Variants in RALYL observed in about 807,000 individuals in gnomAD.
RALYL encodes RNA-binding Raly-like protein.
In RALYL, 29 loss-of-function variants were observed where a neutral mutation model predicts 35.1. The ratio of observed to expected loss-of-function variants is 0.83; its 90% CI spans 0.61 to 1.13. The LOEUF (loss-of-function observed/expected upper bound fraction) is 1.13. Ranked by LOEUF, RALYL falls within the 50% of genes most tolerant of loss-of-function variation. The pLI, the probability that RALYL is intolerant of heterozygous loss-of-function variation, is 0.00. For missense variants in RALYL, 359 were observed against 360.4 expected (o/e 1.00, Z 0.03); for synonymous variants, 120 against 127.6 (o/e 0.94, Z 0.40).
intron 8 of RALYL, among the ~76,000 whole-genome samples, chr8:84,910,969 T>G (rs1361159905): frequency 6.6e-6 from 1 of 152,134 alleles, no homozygotes; most frequent in African/African-American, 2.4e-5. Flanking sequence ...ATCTCCATTA[T>G]TTACTGATAC....
intron 7 of RALYL, among the ~76,000 whole-genome samples, chr8:84,884,266 T>C (rs1261242113): frequency 6.6e-6 from 1 of 152,058 alleles, no homozygotes; most frequent in African/African-American, 2.4e-5. Flanking sequence ...ACAGTAGAAC[T>C]AACTATAAGA....
chr8:84,305,687 A>G (rs1387155513), intron 1 of RALYL, among the ~76,000 whole-genome samples: 1 of 152,172 alleles, frequency 6.6e-6, no homozygotes, highest in Admixed American at 6.5e-5. Flanking sequence ...CTCATCCCCT[A>G]TCTTCCCCTA....
intron 1 of RALYL, among the ~76,000 whole-genome samples, chr8:84,452,239 T>A (rs928199599): frequency 1.6e-4 from 25 of 151,814 alleles, no homozygotes; most frequent in African/African-American, 6.0e-4. Context: ...ACTACTTTTT[T>A]TTTTTTTCCC....
At chr8:84,747,618 G>T (rs1808923012) in intron 2 of RALYL, among the ~76,000 whole-genome samples, 3 of 151,764 alleles carry the variant, frequency 2.0e-5, no homozygotes, top group Non-Finnish European at 4.4e-5. Flanking sequence ...TTCTTGTAAA[G>T]ATTTCTAAAT....
At chr8:84,341,099 T>G (rs1848701056) in intron 1 of RALYL, among the ~76,000 whole-genome samples, 1 of 151,926 alleles carries the variant, frequency 6.6e-6, no homozygotes, top group Non-Finnish European at 1.5e-5. Flanking sequence ...TTGTTGACCA[T>G]TTGTATGTCA....
intron 1 of RALYL, among the ~76,000 whole-genome samples, chr8:84,255,283 T>C (rs181254324): frequency 1.2e-4 from 18 of 152,228 alleles, no homozygotes; most frequent in Admixed American, 1.1e-3. Context: ...CCAAACCCAC[T>C]GCAAAGTCTG....
intron 2 of RALYL, among the ~76,000 whole-genome samples, chr8:84,694,368 A>T (rs541722988): frequency 3.2e-4 from 49 of 152,022 alleles, no homozygotes; most frequent in African/African-American, 1.2e-3. Flanking sequence ...TTTACATAGC[A>T]TCATAAAAAA....
chr8:84,620,893 AG>A (rs1209470655), intron 2 of RALYL, among the ~76,000 whole-genome samples: 2 of 152,034 alleles, frequency 1.3e-5, no homozygotes, highest in Non-Finnish European at 2.9e-5. Flanking sequence ...GGTGCCTCCC[AG>A]TTAGGCTGCT....
chr8:84,823,978 C>T (rs1057132150), intron 4 of RALYL, among the ~76,000 whole-genome samples: 1 of 152,122 alleles, frequency 6.6e-6, no homozygotes, highest in Non-Finnish European at 1.5e-5. Context: ...CACTCTGACA[C>T]TCCCATTCAA....
intron 1 of RALYL, among the ~76,000 whole-genome samples, chr8:84,379,781 A>G (rs1857589249): frequency 6.6e-6 from 1 of 151,730 alleles, no homozygotes; most frequent in Non-Finnish European, 1.5e-5. Flanking sequence ...GCGGGCAGGA[A>G]TTGAGTGAGA....
intron 2 of RALYL, among the ~76,000 whole-genome samples, chr8:84,735,692 G>GT (rs1235264733): frequency 1.3e-5 from 2 of 151,888 alleles, no homozygotes; most frequent in Admixed American, 1.3e-4. Flanking sequence ...ATACAATGAG[G>GT]TTCTCTCCAG....
intron 1 of RALYL, among the ~76,000 whole-genome samples, chr8:84,498,204 T>C (rs746467328): frequency 2.0e-5 from 3 of 152,034 alleles, no homozygotes; most frequent in Non-Finnish European, 4.4e-5. Context: ...AATACACAGA[T>C]GTATAAATTT....
At chr8:84,400,353 G>A (rs955726205) in intron 1 of RALYL, among the ~76,000 whole-genome samples, 15 of 152,160 alleles carry the variant, frequency 9.9e-5, no homozygotes, top group East Asian at 3.9e-4. Context: ...GTGGTGTAAT[G>A]TCAACACTCA....
intron 1 of RALYL, among the ~76,000 whole-genome samples, chr8:84,357,589 C>T (rs1852102751): frequency 6.6e-6 from 1 of 151,712 alleles, no homozygotes; most frequent in Non-Finnish European, 1.5e-5. Flanking sequence ...TTTAATCCGT[C>T]TTTTCAAGAA....
chr8:84,502,914 A>T (rs200194192), intron 1 of RALYL, among the ~76,000 whole-genome samples: 3 of 57,980 alleles, frequency 5.2e-5, no homozygotes, highest in Non-Finnish European at 1.2e-4. Flanking sequence ...CCCACTCTTT[A>T]AAAAAAAAAA....
intron 1 of RALYL, among the ~76,000 whole-genome samples, chr8:84,392,032 A>G (rs1279260884): frequency 6.6e-6 from 1 of 152,062 alleles, no homozygotes; most frequent in Non-Finnish European, 1.5e-5. Context: ...TGATTGAGTG[A>G]GAGTTGAACA....
intron 2 of RALYL, among the ~76,000 whole-genome samples, chr8:84,736,814 G>A (rs1847394016): frequency 6.6e-6 from 1 of 151,894 alleles, no homozygotes; most frequent in Non-Finnish European, 1.5e-5. Context: ...AACAATCATT[G>A]TTCTTATTGT....
intron 8 of RALYL, among the ~76,000 whole-genome samples, chr8:84,889,831 A>C (rs1379655562): frequency 6.6e-6 from 1 of 152,120 alleles, no homozygotes; most frequent in African/African-American, 2.4e-5. Context: ...AAAGACTAAG[A>C]TCATCCTTGG....
intron 1 of RALYL, among the ~76,000 whole-genome samples, chr8:84,441,296 A>C (rs927873468): frequency 6.6e-6 from 1 of 152,116 alleles, no homozygotes; most frequent in African/African-American, 2.4e-5. Flanking sequence ...AAAGTAAATA[A>C]GAAACGGTTT....
Sources: gnomAD v4.1 joint callset for allele counts (sites outside exome capture counted in the v4.1 genomes callset) on GRCh38, gnomAD v4.1.1 for gene constraint, MANE v1.5 for transcripts, NCBI Gene and HGNC (gene_info 2026-07-23, HGNC 2026-07-21) for gene names.